The following NCAPG2 variants were observed in gnomAD, a reference collection of about 807,000 sequenced individuals.
The protein encoded by NCAPG2 is non-SMC condensin II complex subunit G2.
A neutral mutation model predicts 141.1 loss-of-function variants in NCAPG2; 53 were observed. The ratio of observed to expected loss-of-function variants is 0.38; its 90% confidence interval spans 0.30 to 0.47. The LOEUF is 0.47. NCAPG2 is among the 20% of genes least tolerant of loss of function. The pLI is 0.99. For synonymous variants in NCAPG2, 499 were observed against 490.7 expected (o/e 1.02, Z -0.22); for missense variants, 1,087 against 1,389.0 (o/e 0.78, Z 3.46).
chr7:158,656,373 A>G lies in NCAPG2; in HGVS notation c.2275T>C (p.Leu759=), dbSNP rs1479638767. The change falls in exon 19 of 28, where the codon TTG becomes CTG. Residue 759 remains leucine, a synonymous_variant. Transcript: ENST00000356309. The part of the protein sequence containing the change: ...IHDTRPVKPE[L]ALVYIEYLLT... The stretch of plus-strand genomic sequence containing the variant: ...AGATACTCAATGTAGACCAATGCCA[A>G]TTCAGGTTTGACTGGGCGTGTGTCA... 1.2e-6 allele frequency: 2 copies of G among 1,614,196 alleles called. No individual in the cohort carries two copies. The highest frequency in any genetic ancestry group is 1.3e-5 in the African/African-American group (1 of 75,038).
rs1324918346 is a variant in NCAPG2, at chr7:158,701,943, T to G, written c.-39-5A>C. ...AATGGCATTTATTTTGTAACCCTAA[T>G]GGAAAACACAATCATACTGAAACAC... is the stretch of plus-strand genomic sequence containing the variant. On this transcript the variant is annotated splice_polypyrimidine_tract_variant and splice_region_variant and intron_variant, in intron 1 of 27. Transcript: ENST00000356309. 6.7e-7 allele frequency: 1 copy of G among 1,484,508 alleles called. No individual in the cohort carries two copies. The highest frequency in any genetic ancestry group is 9.3e-7 in the Non-Finnish European group (1 of 1,080,878). 92.0% of individuals were successfully genotyped at this position (1,484,508 alleles called of 1,614,324 possible).
At chr7:158,634,151 AT>A (rs1289981604) in intron 27 of NCAPG2, among the ~76,000 whole-genome samples, 1 of 151,794 alleles carries the variant, frequency 6.6e-6, no homozygotes, top group African/African-American at 2.4e-5. Flanking sequence ...AACCCTCACT[AT>A]CTGTGGGAGA....
chr7:158,637,056 T>C (rs1012707382), intron 27 of NCAPG2, among the ~76,000 whole-genome samples: 1 of 151,476 alleles, frequency 6.6e-6, no homozygotes, highest in Non-Finnish European at 1.5e-5. Context: ...CATGCCATTC[T>C]CCTGCCTCAG....
At chr7:158,644,689 A>G (rs1830877143) in intron 26 of NCAPG2, among the ~76,000 whole-genome samples, 1 of 152,220 alleles carries the variant, frequency 6.6e-6, no homozygotes, top group African/African-American at 2.4e-5. Context: ...CTGTTTAACT[A>G]TCGCAGGTAG....
chr7:158,658,029 G>A (rs1832147217), intron 17 of NCAPG2, among the ~76,000 whole-genome samples: 1 of 151,610 alleles, frequency 6.6e-6, no homozygotes, highest in African/African-American at 2.4e-5. Flanking sequence ...AGGCCGCAGG[G>A]TCCTCTGCCT....
Position 158,655,191 on chromosome 7 carries a change from A to G in NCAPG2, c.2573T>C (p.Ile858Thr). Residue 858 changes from isoleucine (I) to threonine (T), a missense_variant, in exon 21 of 28, where the codon ATT becomes ACT. Transcript: ENST00000356309. ...TTCTTGATCTTGAATAAAAGATAAA[A>G]TTTTGCTTTCTAACCAAAAGCCAGT... ...EDTGFWLESKILSFIQDQEED... is the reference protein window; with the variant it reads ...EDTGFWLESKTLSFIQDQEED... 1 of 1,614,188 alleles carries G rather than the reference A, an allele frequency of 6.2e-7. No homozygotes were observed. Among genetic ancestry groups the G allele is most frequent in the Non-Finnish European group, 8.5e-7 (1 of 1,180,022 alleles).
At position 158,690,067 on chromosome 7, in the gene NCAPG2, T is replaced by C. The variant is rs560895683; in HGVS notation, c.538-114A>G. On this transcript the variant is annotated intron_variant, in intron 5 of 27. Transcript: ENST00000356309. ...GTAATTCTAGTTGATTCATCAAAGA[T>C]TAAAAAATAACGACAAATAAAAACA... 4.7e-5 allele frequency: 48 copies of C among 1,030,302 alleles called. No homozygotes were observed. The African/African-American group carries it at 7.4e-4, about 16-fold the overall frequency. 63.8% of individuals were successfully genotyped at this position (1,030,302 alleles called of 1,614,324 possible).
chr7:158,701,912 T>G lies in NCAPG2; in HGVS notation c.-13A>C. On this transcript the variant is annotated 5_prime_UTR_variant, in exon 2 of 28. Coordinates refer to ENST00000356309, the MANE Select transcript of NCAPG2 (RefSeq NM_017760.7). Reference sequence around the variant, plus strand: ...CACGTTTTTCCATGACAGATGGCACTGTTCAAATGGCATTTATTTTGTAAC... The same window carrying G: ...CACGTTTTTCCATGACAGATGGCACGGTTCAAATGGCATTTATTTTGTAAC... 6.2e-7 allele frequency: 1 copy of G among 1,602,908 alleles called. No homozygotes were observed. Among genetic ancestry groups the G allele is most frequent in the Non-Finnish European group, 8.5e-7 (1 of 1,175,298 alleles).
rs1832573394 is a variant in NCAPG2, at chr7:158,662,328, T to A, written c.1855A>T (p.Met619Leu). 6.2e-7 allele frequency: 1 copy of A among 1,602,548 alleles called. No homozygotes were observed. Among genetic ancestry groups the A allele is most frequent in the South Asian group, 1.1e-5 (1 of 87,230 alleles). Reference protein sequence around the residue: ...KTLSVNDVACMAGLLEIIVIL... With the variant: ...KTLSVNDVACLAGLLEIIVIL... ...ACAATGATTTCTAGTAAACCTGCCA[T>A]GCATGCAACATCGTTTACTGACAGT... is the stretch of plus-strand genomic sequence containing the variant. Residue 619 changes from methionine (M) to leucine (L), a missense_variant, in exon 16 of 28, where the codon ATG becomes TTG. Coordinates refer to ENST00000356309, the MANE Select transcript of NCAPG2 (RefSeq NM_017760.7).
intron 8 of NCAPG2, among the ~76,000 whole-genome samples, chr7:158,684,828 C>G (rs929890462): frequency 2.6e-5 from 4 of 152,254 alleles, no homozygotes; most frequent in South Asian, 2.1e-4. Context: ...GCTGGGATTA[C>G]AGGCGTGAGC....
At chr7:158,663,374 A>C (rs1169772578) in intron 15 of NCAPG2, among the ~76,000 whole-genome samples, 2 of 152,192 alleles carry the variant, frequency 1.3e-5, no homozygotes, top group African/African-American at 4.8e-5. Context: ...TCTATTCCAC[A>C]TCTATTTCCT....
chr7:158,646,754 G>A (rs1563501167), intron 24 of NCAPG2, among the ~76,000 whole-genome samples, 191 bp from the exon 25 acceptor site: 1 of 152,144 alleles, frequency 6.6e-6, no homozygotes, highest in Non-Finnish European at 1.5e-5. Flanking sequence ...TGTGTTGGGC[G>A]TGGTGGTTCA....
At chr7:158,691,740 T>C (rs922597405) in intron 4 of NCAPG2, among the ~76,000 whole-genome samples, 1 of 152,206 alleles carries the variant, frequency 6.6e-6, no homozygotes, top group African/African-American at 2.4e-5. Flanking sequence ...GTACCATCAT[T>C]TAAATTTCAA....
At chr7:158,697,843 A>G (rs1333403336) in intron 2 of NCAPG2, among the ~76,000 whole-genome samples, 1 of 152,230 alleles carries the variant, frequency 6.6e-6, no homozygotes, top group African/African-American at 2.4e-5. Context: ...ACACAGGAAC[A>G]GAAAACCAAA....
intron 24 of NCAPG2, among the ~76,000 whole-genome samples, chr7:158,648,525 C>CG (rs1831206897): frequency 6.8e-6 from 1 of 146,908 alleles, no homozygotes; most frequent in East Asian, 2.0e-4. Flanking sequence ...ACTATAACCA[C>CG]GCCAAATGGA....
intron 2 of NCAPG2, chr7:158,696,072 A>G (rs11761779): frequency 0.5 from 76,185 of 152,212 alleles, 20,644 homozygotes; most frequent in Non-Finnish European, 0.6. Flanking sequence ...GTAGCAAAAA[A>G]CTTGGTAGCA....
rs1832017886 is a variant in NCAPG2 at position 158,656,838 on chromosome 7, G to A, written c.2061-133C>T. On this transcript the variant is annotated intron_variant, in intron 17 of 27. Transcript: ENST00000356309. The stretch of plus-strand genomic sequence containing the variant: ...CTTGTTATTATATTAGCACTTCCAT[G>A]CTCTCCAATGCAGGAATAAATACAG... 4 of 1,025,478 alleles carry A rather than the reference G, an allele frequency of 3.9e-6. No homozygotes were observed. The East Asian group carries it at 7.9e-5, about 20-fold the overall frequency. The allele number at this position is 1,025,478 out of a possible 1,614,324, so 63.5% of individuals were successfully genotyped here. A position where few individuals can be genotyped will look rare whatever the true frequency, so the allele number is the denominator to read the frequency against.
At chr7:158,667,459 CGCCCGCCTT>C (rs1563539209) in intron 13 of NCAPG2, among the ~76,000 whole-genome samples, 14 of 141,374 alleles carry the variant, frequency 9.9e-5, no homozygotes, top group East Asian at 2.2e-4. Context: ...TGGGTCCCTC[CGCCCGCCTT>C]ACCCACTACT....
intron 2 of NCAPG2, among the ~76,000 whole-genome samples, chr7:158,699,898 A>G (rs1347016047): frequency 6.6e-6 from 1 of 152,036 alleles, no homozygotes; most frequent in Non-Finnish European, 1.5e-5. Context: ...TTGTCCCTCT[A>G]ACTCCATTTT....
Sources: allele counts gnomAD v4.1 joint callset (sites outside exome capture counted in the v4.1 genomes callset), GRCh38; gene constraint gnomAD v4.1.1; transcripts MANE v1.5; gene names NCBI Gene and HGNC (gene_info 2026-07-23, HGNC 2026-07-21).